Variants in CAMTA1 observed in about 807,000 individuals in gnomAD.
The protein encoded by CAMTA1 is calmodulin-binding transcription activator 1.
In CAMTA1, 27 loss-of-function variants were observed where a neutral mutation model predicts 170.9. That is an observed-to-expected ratio of 0.16 (90% confidence interval 0.12 to 0.22). The LOEUF (loss-of-function observed/expected upper bound fraction) is 0.22. Ranked by LOEUF, CAMTA1 falls within the 10% of genes least tolerant of loss-of-function variation. The pLI, the probability that CAMTA1 is intolerant of heterozygous loss-of-function variation, is 1.00. For synonymous variants in CAMTA1, 833 were observed against 891.5 expected, an observed-to-expected ratio of 0.93 and a Z score of 1.17; for missense variants, 1,619 against 2,217.2, an observed-to-expected ratio of 0.73 and a Z score of 5.42.
chr1:7,110,483 T>C (rs1643956688), intron 4 of CAMTA1, among the ~76,000 whole-genome samples: 1 of 152,204 alleles, frequency 6.6e-6, no homozygotes, highest in Non-Finnish European at 1.5e-5. Flanking sequence ...CTGACCCAGT[T>C]CAGCTCCTTG....
chr1:6,909,558 G>A (rs1314022817), intron 3 of CAMTA1, among the ~76,000 whole-genome samples: 1 of 152,226 alleles, frequency 6.6e-6, no homozygotes, highest in Non-Finnish European at 1.5e-5. Context: ...AGGCGGTAGA[G>A]CTGTGCCTCA....
intron 7 of CAMTA1, among the ~76,000 whole-genome samples, chr1:7,656,427 T>A (rs1006216763): frequency 2.0e-5 from 3 of 152,282 alleles, no homozygotes; most frequent in Non-Finnish European, 4.4e-5. Context: ...ACACCAGTCC[T>A]GCTGGGATAG....
Position 7,249,747 on chromosome 1 carries a change from A to C in CAMTA1, c.438+121A>C. 1 of 1,210,902 alleles carries C rather than the reference A, an allele frequency of 8.3e-7. No homozygotes were observed. The highest frequency in any genetic ancestry group is 1.1e-6 in the Non-Finnish European group (1 of 882,818). 75.0% of individuals were successfully genotyped at this position (1,210,902 alleles called of 1,614,324 possible). A position where few individuals can be genotyped will look rare whatever the true frequency, so the allele number is the denominator to read the frequency against. ...CTGTCCAAAGAATTTTTGTTTGCCA[A>C]GACCCTGGTTTTTGCTTTTGTTTCG... On this transcript the variant is annotated intron_variant, in intron 5 of 22. Coordinates refer to ENST00000303635, the MANE Select transcript of CAMTA1 (RefSeq NM_015215.4). This position sits in a 1 kb window ranked among gnomAD's most constrained non-coding sequence, Gnocchi z 4.4.
chr1:6,871,638 A>G, intron 3 of CAMTA1: 1 of 764,130 alleles, frequency 1.3e-6, no homozygotes, highest in Non-Finnish European at 2.0e-6. Flanking sequence ...TGTAAATAAA[A>G]ATGGCTCTAC....
chr1:7,741,431 C>T (rs1033549256), intron 16 of CAMTA1, among the ~76,000 whole-genome samples: 6 of 151,818 alleles, frequency 4.0e-5, no homozygotes, highest in African/African-American at 1.2e-4. Flanking sequence ...GGCATGGTGG[C>T]GGGCACCTGT....
In CAMTA1 at chr1:7,565,654, C is replaced by T. The variant is rs921853271; in HGVS notation, c.511-74746C>T. ...CTTTGGGGAGGCTGCCTGGGGGCCT[C>T]AGCCATACTGTGGGGCTCCTTGGGG... On this transcript the variant is annotated intron_variant, in intron 6 of 22. Coordinates refer to ENST00000303635, the MANE Select transcript of CAMTA1 (RefSeq NM_015215.4). This position sits in a 1 kb window ranked among gnomAD's most constrained non-coding sequence, Gnocchi z 4.5. Among the ~76,000 whole-genome samples, 1 of 152,164 alleles carries T rather than the reference C, an allele frequency of 6.6e-6. No individual in the cohort carries two copies. Among genetic ancestry groups the T allele is most frequent in the Non-Finnish European group, 1.5e-5 (1 of 68,028 alleles).
chr1:6,968,850 G>A (rs1014577578), intron 3 of CAMTA1, among the ~76,000 whole-genome samples: 4 of 152,134 alleles, frequency 2.6e-5, no homozygotes, highest in African/African-American at 9.7e-5. Context: ...TTCAAGGAGA[G>A]AATGCGGGAT....
intron 6 of CAMTA1, among the ~76,000 whole-genome samples, chr1:7,623,813 C>T (rs1380106239): frequency 6.6e-6 from 1 of 152,210 alleles, no homozygotes; most frequent in Non-Finnish European, 1.5e-5. Flanking sequence ...ATCCCCTTTC[C>T]CATCAGCTTC....
At chr1:7,610,774 C>T (rs2095518475) in intron 6 of CAMTA1, among the ~76,000 whole-genome samples, 1 of 152,228 alleles carries the variant, frequency 6.6e-6, no homozygotes, top group Non-Finnish European at 1.5e-5. Context: ...CCTGGGAGCC[C>T]CTAAGGCAAG....
chr1:7,699,938 AAT>A (rs1384436470), intron 11 of CAMTA1, among the ~76,000 whole-genome samples: 1 of 152,216 alleles, frequency 6.6e-6, no homozygotes, highest in Non-Finnish European at 1.5e-5. Flanking sequence ...TCCCTTATGA[AAT>A]ATGAGATTTG....
intron 3 of CAMTA1, among the ~76,000 whole-genome samples, chr1:6,948,387 C>T (rs889670706): frequency 6.6e-6 from 1 of 152,230 alleles, no homozygotes; most frequent in Non-Finnish European, 1.5e-5. Context: ...CCGGCTGCTT[C>T]CCATATGTAC....
At chr1:6,990,795 CTCTCTCTCTCTATA>C (rs1459808385) in intron 3 of CAMTA1, among the ~76,000 whole-genome samples, 2 of 128,224 alleles carry the variant, frequency 1.6e-5, no homozygotes, top group Non-Finnish European at 3.2e-5. Context: ...GTCTCTCTCT[CTCTCTCTCTCTATA>C]TATATATATA....
intron 1 of CAMTA1, among the ~76,000 whole-genome samples, chr1:6,789,290 C>A (rs533541391): frequency 1.3e-5 from 2 of 152,122 alleles, no homozygotes; most frequent in African/African-American, 2.4e-5. Flanking sequence ...TAGGCTCTGG[C>A]GATTTTAGGC....
intron 6 of CAMTA1, among the ~76,000 whole-genome samples, chr1:7,568,416 TCATCATCACCACATCACCATCAA>T (rs1475179801): frequency 6.2e-5 from 9 of 146,164 alleles, no homozygotes; most frequent in African/African-American, 1.3e-4. Context: ...AACATCACCA[TCATCATCACCACATCACCATCAA>T]CATCATCACC....
chr1:7,337,647 G>T (rs1231134528), intron 5 of CAMTA1, among the ~76,000 whole-genome samples: 1 of 151,876 alleles, frequency 6.6e-6, no homozygotes, highest in African/African-American at 2.4e-5. Flanking sequence ...CAATCACAAT[G>T]TGGGCGGTGG....
Position 6,862,022 on chromosome 1 carries a change from G to T in CAMTA1, c.234+36812G>T, listed in dbSNP as rs546038307. Among the ~76,000 whole-genome samples the T allele has an allele frequency of 2.6e-5, 4 of 151,470 alleles. No homozygotes were observed. The South Asian group carries it at 8.3e-4, about 32-fold the overall frequency. On this transcript the variant is annotated intron_variant, in intron 3 of 22. Coordinates refer to ENST00000303635, the MANE Select transcript of CAMTA1 (RefSeq NM_015215.4). ...CTGTCACCCAGGCTGGAGTGCAGTG[G>T]TGCAATCTTGGCTCACTGCAACCCC...
chr1:7,720,660 C>T (rs2096643707), intron 11 of CAMTA1, among the ~76,000 whole-genome samples: 1 of 152,124 alleles, frequency 6.6e-6, no homozygotes, highest in Non-Finnish European at 1.5e-5. Context: ...GGATTACAGG[C>T]GTGAGCCACC....
intron 4 of CAMTA1, among the ~76,000 whole-genome samples, chr1:7,110,872 A>G (rs1005113974): frequency 1.3e-5 from 2 of 152,202 alleles, no homozygotes; most frequent in African/African-American, 4.8e-5. Flanking sequence ...CCTCTATGTA[A>G]CAAACCACTG....
chr1:6,901,127 G>A (rs1279011418), intron 3 of CAMTA1, among the ~76,000 whole-genome samples: 2 of 152,210 alleles, frequency 1.3e-5, no homozygotes, highest in Non-Finnish European at 2.9e-5. Context: ...GAGGTGCAAA[G>A]GGAATTCAAT....
Sources: allele counts gnomAD v4.1 joint callset (sites outside exome capture counted in the v4.1 genomes callset), GRCh38; gene constraint gnomAD v4.1.1; non-coding constraint Gnocchi (gnomAD v3.1); transcripts MANE v1.5; gene names NCBI Gene and HGNC (gene_info 2026-07-23, HGNC 2026-07-21).